SUPT3H: variants seen among roughly 807,000 people sequenced by gnomAD.
SUPT3H encodes the protein SPT3 homolog, SAGA and STAGA complex component.
Under a neutral mutation model 44.3 loss-of-function variants are expected in SUPT3H, and 44 were observed. That is an observed-to-expected ratio of 0.99 (90% CI 0.78 to 1.28). The LOEUF (loss-of-function observed/expected upper bound fraction) is 1.28, where lower values mean the gene tolerates loss of function less well. SUPT3H is among the 50% of genes most tolerant of loss of function. SUPT3H has a pLI of 0.00. For missense variants in SUPT3H, 380 were observed against 387.1 expected, an observed-to-expected ratio of 0.98 and a Z score of 0.15; for synonymous variants, 124 against 125.6, an observed-to-expected ratio of 0.99 and a Z score of 0.09.
chr6:44,835,900 C>T (rs1769786732), intron 10 of SUPT3H, among the ~76,000 whole-genome samples: 1 of 152,082 alleles, frequency 6.6e-6, no homozygotes. Context: ...CAGCCCTGGT[C>T]TCTGTGAGGT....
intron 2 of SUPT3H, among the ~76,000 whole-genome samples, chr6:45,134,675 A>C (rs1032993905): frequency 6.6e-6 from 1 of 152,238 alleles, no homozygotes; most frequent in African/African-American, 2.4e-5. Context: ...GAGACAGGAA[A>C]GAAGAAAGCA....
intron 2 of SUPT3H, among the ~76,000 whole-genome samples, chr6:45,316,331 A>C (rs1784697019): frequency 6.6e-6 from 1 of 152,130 alleles, no homozygotes; most frequent in Non-Finnish European, 1.5e-5. Flanking sequence ...GGAAAAATAA[A>C]ATTTTAAAAA....
At chr6:45,004,963 T>C (rs1190975713) in intron 5 of SUPT3H, among the ~76,000 whole-genome samples, 1 of 152,234 alleles carries the variant, frequency 6.6e-6, no homozygotes, top group African/African-American at 2.4e-5. Flanking sequence ...TTGTTTCAGG[T>C]TTTTGCTACC....
intron 6 of SUPT3H, among the ~76,000 whole-genome samples, chr6:44,980,690 C>G (rs572977978): frequency 5.5e-4 from 83 of 152,180 alleles, no homozygotes; most frequent in Non-Finnish European, 9.4e-4. Context: ...TCTATGTGAC[C>G]CATCATAATC....
chr6:44,956,112 T>A (rs1398860944), intron 7 of SUPT3H, among the ~76,000 whole-genome samples: 1 of 140,474 alleles, frequency 7.1e-6, no homozygotes, highest in African/African-American at 2.7e-5. Context: ...AGTGCGAGAC[T>A]CCGTCTCAAA....
chr6:44,905,764 C>T (rs935093133), intron 10 of SUPT3H, among the ~76,000 whole-genome samples: 7 of 152,138 alleles, frequency 4.6e-5, no homozygotes, highest in Non-Finnish European at 7.3e-5. Flanking sequence ...AGACTTGGAA[C>T]CTACCCAAAT....
chr6:44,867,097 A>C (rs1286185638), intron 10 of SUPT3H, among the ~76,000 whole-genome samples: 2 of 152,200 alleles, frequency 1.3e-5, no homozygotes, highest in Non-Finnish European at 2.9e-5. Context: ...AATTTGGGCC[A>C]CGAATAATTA....
rs1452630032 is a variant in SUPT3H, at chr6:45,218,508, T to C, written c.102-112502A>G. On this transcript the variant is annotated intron_variant, in intron 2 of 10. Coordinates refer to ENST00000371459, the MANE Select transcript of SUPT3H (RefSeq NM_003599.4). ...ACTTTGGGAGGCCGAGGCAGGTGGA[T>C]CACCTGAAGTCGGGAGTTCGAGACC... is the stretch of plus-strand genomic sequence containing the variant. 2.6e-5 allele frequency among the ~76,000 whole-genome samples: 4 copies of C among 152,170 alleles called. No individual in the cohort carries two copies. In the East Asian group the frequency reaches 5.8e-4, roughly 22 times the overall value.
rs1158354231 is a variant in SUPT3H at position 45,181,349 on chromosome 6, A to C, written c.102-75343T>G. On this transcript the variant is annotated intron_variant, in intron 2 of 10. Transcript: ENST00000371459. ...TAGAACTAGGAATACCATTTGACCC[A>C]GCCATCCCATTACTGGGTATATACC... Among the ~76,000 whole-genome samples, 3 of 151,694 alleles carry C rather than the reference A, an allele frequency of 2.0e-5. No individual in the cohort carries two copies. In the East Asian group the frequency reaches 5.8e-4, roughly 29 times the overall value.
chr6:44,923,822 T>TA (rs901716140), intron 10 of SUPT3H, among the ~76,000 whole-genome samples: 6 of 151,798 alleles, frequency 4.0e-5, no homozygotes, highest in South Asian at 4.2e-4. Context: ...GCCTGCTGAT[T>TA]AAAAAAAACA....
intron 5 of SUPT3H, 106 bp from the exon 6 acceptor site, chr6:45,003,898 T>A: frequency 8.1e-7 from 1 of 1,241,546 alleles, no homozygotes; most frequent in Non-Finnish European, 1.1e-6. Context: ...AGAATTGGGA[T>A]TCTCTGAAAA....
intron 3 of SUPT3H, among the ~76,000 whole-genome samples, chr6:45,059,041 G>A (rs552977370): frequency 1.1e-4 from 16 of 152,220 alleles, no homozygotes; most frequent in Middle Eastern, 3.4e-3. Context: ...AGGAGGATAA[G>A]ATCTGAGTCT....
chr6:44,893,770 A>C (rs1435794923), intron 10 of SUPT3H, among the ~76,000 whole-genome samples: 1 of 141,914 alleles, frequency 7.0e-6, no homozygotes, highest in Admixed American at 7.2e-5. Context: ...TGGTATTTCT[A>C]GTTCTAGATC....
At chr6:44,817,908 C>T (rs1229873665) in intron 11 of SUPT3H, among the ~76,000 whole-genome samples, 1 of 152,080 alleles carries the variant, frequency 6.6e-6, no homozygotes, top group Non-Finnish European at 1.5e-5. Context: ...TCAGTTCTTT[C>T]CAAATTAAGC....
intron 2 of SUPT3H, among the ~76,000 whole-genome samples, chr6:45,276,537 T>A (rs1047737517): frequency 6.6e-6 from 1 of 152,212 alleles, no homozygotes; most frequent in African/African-American, 2.4e-5. Flanking sequence ...TTTTTGCAAT[T>A]CTTTTCATTT....
chr6:45,302,577 C>T (rs1211620080), intron 2 of SUPT3H, among the ~76,000 whole-genome samples: 2 of 133,050 alleles, frequency 1.5e-5, no homozygotes, highest in Non-Finnish European at 1.6e-5. Context: ...ATTTATTTAT[C>T]TACTTATTGA....
intron 3 of SUPT3H, among the ~76,000 whole-genome samples, chr6:45,045,343 A>G (rs1261580639): frequency 6.6e-6 from 1 of 152,180 alleles, no homozygotes; most frequent in Non-Finnish European, 1.5e-5. Context: ...CCTTCAAGCC[A>G]AAAACATCAA....
chr6:44,825,086 C>T (rs1346458325), downstream of SUPT3H, among the ~76,000 whole-genome samples: 3 of 152,206 alleles, frequency 2.0e-5, no homozygotes, highest in Admixed American at 2.0e-4. Flanking sequence ...AGCCTGTAAA[C>T]AGAGCCTTCT....
chr6:44,811,261 A>G, intron 11 of SUPT3H, among the ~76,000 whole-genome samples: 1 of 152,150 alleles, frequency 6.6e-6, no homozygotes, highest in East Asian at 1.9e-4. Context: ...CTCTCAAGTG[A>G]CATTTGTATG....
Sources: gnomAD v4.1 joint callset for allele counts (sites outside exome capture counted in the v4.1 genomes callset) on GRCh38, gnomAD v4.1.1 for gene constraint, MANE v1.5 for transcripts, NCBI Gene and HGNC (gene_info 2026-07-23, HGNC 2026-07-21) for gene names.